Variants in PACRG observed in about 807,000 individuals in gnomAD.
PACRG encodes parkin coregulated gene protein.
Under a neutral mutation model 29.7 loss-of-function variants are expected in PACRG, and 29 were observed. The ratio of observed to expected loss-of-function variants is 0.98; its 90% CI spans 0.73 to 1.33. The LOEUF is 1.33. Among genes scored for constraint, PACRG ranks in the 40% most tolerant of loss-of-function variants. The pLI is 0.00. For missense variants in PACRG, 279 were observed against 316.2 expected, an observed-to-expected ratio of 0.88 and a Z score of 0.89; for synonymous variants, 116 against 118.7, an observed-to-expected ratio of 0.98 and a Z score of 0.15.
At chr6:163,281,202 G>A (rs375017352) in intron 4 of PACRG, among the ~76,000 whole-genome samples, 2 of 152,262 alleles carry the variant, frequency 1.3e-5, no homozygotes, top group African/African-American at 4.8e-5. Flanking sequence ...ACCTGTGGTG[G>A]TGCGAGCTTG....
At chr6:163,091,193 G>C (rs1256966486) in intron 4 of PACRG, among the ~76,000 whole-genome samples, 2 of 152,210 alleles carry the variant, frequency 1.3e-5, no homozygotes, top group Non-Finnish European at 2.9e-5. Context: ...AGGACAATTA[G>C]AATCTTTCTT....
chr6:163,032,343 T>A (rs1807747384), intron 2 of PACRG, among the ~76,000 whole-genome samples: 1 of 152,192 alleles, frequency 6.6e-6, no homozygotes, highest in African/African-American at 2.4e-5. Flanking sequence ...TTCTGAAAGT[T>A]TTTTCCTCTA....
intron 4 of PACRG, among the ~76,000 whole-genome samples, chr6:163,289,931 T>G (rs1276222599): frequency 6.6e-6 from 1 of 152,106 alleles, no homozygotes; most frequent in African/African-American, 2.4e-5. Context: ...CACCGCAACC[T>G]CCGCCTCCCA....
At chr6:162,752,262 A>T (rs1781567853) in intron 1 of PACRG, among the ~76,000 whole-genome samples, 2 of 152,150 alleles carry the variant, frequency 1.3e-5, no homozygotes, top group African/African-American at 4.8e-5. Flanking sequence ...GCAAAGATGA[A>T]CTCTGTTTTT....
intron 2 of PACRG, among the ~76,000 whole-genome samples, chr6:162,911,307 G>A (rs1200377603): frequency 6.6e-6 from 1 of 152,150 alleles, no homozygotes; most frequent in Admixed American, 6.5e-5. Flanking sequence ...TTTACCACAA[G>A]TGTTTTGAAA....
chr6:163,154,178 C>T (rs772134179), intron 4 of PACRG, among the ~76,000 whole-genome samples: 3 of 152,192 alleles, frequency 2.0e-5, no homozygotes, highest in East Asian at 1.9e-4. Context: ...GCCTCCTCTG[C>T]GGAGCTGGAC....
At chr6:163,110,309 C>T (rs925175175) in intron 4 of PACRG, among the ~76,000 whole-genome samples, 1 of 152,214 alleles carries the variant, frequency 6.6e-6, no homozygotes, top group African/African-American at 2.4e-5. Flanking sequence ...TCATCTATTT[C>T]ATTATTTTTA....
chr6:163,173,508 C>T (rs1405883767), intron 4 of PACRG, among the ~76,000 whole-genome samples: 2 of 152,164 alleles, frequency 1.3e-5, no homozygotes, highest in Non-Finnish European at 2.9e-5. Context: ...GAATGTCCCC[C>T]TTAGAGGCAT....
chr6:163,272,284 C>A (rs772387336), intron 4 of PACRG, among the ~76,000 whole-genome samples: 2 of 152,146 alleles, frequency 1.3e-5, no homozygotes, highest in Non-Finnish European at 2.9e-5. Context: ...TGATCTGCGT[C>A]CCTCGGCCTT....
chr6:162,736,745 G>C (rs1780195397), intron 1 of PACRG, among the ~76,000 whole-genome samples: 1 of 150,792 alleles, frequency 6.6e-6, no homozygotes, highest in Non-Finnish European at 1.5e-5. Flanking sequence ...TATATATTTT[G>C]AGAGCATATA....
chr6:163,117,086 C>A (rs1359716836), intron 4 of PACRG, among the ~76,000 whole-genome samples: 1 of 152,144 alleles, frequency 6.6e-6, no homozygotes, highest in Non-Finnish European at 1.5e-5. Context: ...AGTGGAAAAT[C>A]AGAAAGCCAG....
chr6:163,169,442 A>C (rs59321379), intron 4 of PACRG, among the ~76,000 whole-genome samples: 11,076 of 152,254 alleles, frequency 0.073, 886 homozygotes, highest in African/African-American at 0.19. Context: ...GGGCGAAAGA[A>C]CAAAGATACC....
At chr6:163,303,292 C>G (rs1290573022) in intron 4 of PACRG, among the ~76,000 whole-genome samples, 1 of 152,098 alleles carries the variant, frequency 6.6e-6, no homozygotes, top group Non-Finnish European at 1.5e-5. Flanking sequence ...CCACTGCACT[C>G]TAGCCTGGGT....
At chr6:162,898,363 C>A (rs139569230) in intron 2 of PACRG, among the ~76,000 whole-genome samples, 1,886 of 152,234 alleles carry the variant, frequency 0.012, 38 homozygotes, top group African/African-American at 0.042. Flanking sequence ...CGCGCACCAG[C>A]CTTTACACTG....
At chr6:162,923,547 G>A (rs1000208571) in intron 2 of PACRG, among the ~76,000 whole-genome samples, 3 of 152,142 alleles carry the variant, frequency 2.0e-5, no homozygotes. Flanking sequence ...GTGAGAGATA[G>A]GGGTCTAGTT....
At chr6:163,190,941 C>T (rs1373198242) in intron 4 of PACRG, 1 of 456,254 alleles carries the variant, frequency 2.2e-6, no homozygotes, top group Admixed American at 2.3e-5. Flanking sequence ...GACCACTTGT[C>T]ACCCAATCCA....
At chr6:163,010,517 C>T (rs538645026) in intron 2 of PACRG, among the ~76,000 whole-genome samples, 2 of 152,250 alleles carry the variant, frequency 1.3e-5, no homozygotes, top group Non-Finnish European at 2.9e-5. Flanking sequence ...CCCTGCCTGC[C>T]CCACCTCATT....
intron 1 of PACRG, among the ~76,000 whole-genome samples, chr6:162,772,422 A>C (rs1344196677): frequency 6.6e-6 from 1 of 152,228 alleles, no homozygotes; most frequent in Non-Finnish European, 1.5e-5. Flanking sequence ...AGACCAAAGC[A>C]AACAAAAGTT....
chr6:163,273,585 T>G lies in PACRG; in HGVS notation c.614-41242T>G, dbSNP rs930206480. Among the ~76,000 whole-genome samples the G allele has an allele frequency of 2.0e-5, 3 of 152,188 alleles. No homozygotes were observed. In the East Asian group the frequency reaches 5.8e-4, roughly 29 times the overall value. On this transcript the variant is annotated intron_variant, in intron 4 of 4. Transcript: ENST00000366888. ...ATATTTTCCTAAAAATTTCTTCAAT[T>G]TATCCAAATTTCAAATGTATTTGCA...
Sources: allele counts gnomAD v4.1 joint callset (sites outside exome capture counted in the v4.1 genomes callset), GRCh38; gene constraint gnomAD v4.1.1; transcripts MANE v1.5; gene names NCBI Gene and HGNC (gene_info 2026-07-23, HGNC 2026-07-21).